The following TBL1X variants were observed in gnomAD, a reference collection of about 807,000 sequenced individuals.
The protein encoded by TBL1X is F-box-like/WD repeat-containing protein TBL1X.
Under a neutral mutation model 50.7 loss-of-function variants are expected in TBL1X, and 10 were observed. The observed-to-expected ratio is 0.20, with a 90% CI of 0.12 to 0.33. TBL1X has a LOEUF of 0.33. Among genes scored for constraint, TBL1X ranks in the 10% least tolerant of loss-of-function variants. The pLI, the probability that TBL1X is intolerant of heterozygous loss-of-function variation, is 1.00. For synonymous variants in TBL1X, 190 were observed against 214.7 expected (o/e 0.88, Z 1.01); for missense variants, 340 against 504.4 (o/e 0.67, Z 3.12).
intron 2 of TBL1X, among the ~76,000 whole-genome samples, chrX:9,576,949 G>A (rs773006262): frequency 3.2e-4 from 35 of 110,939 alleles, no homozygotes; most frequent in Non-Finnish European, 4.5e-4. Flanking sequence ...GCAGTAAGCC[G>A]TAATTGCACC....
chrX:9,521,223 C>G lies in TBL1X; in HGVS notation c.-131+19374C>G, dbSNP rs1328231270. Among the ~76,000 whole-genome samples, 3 of 111,460 alleles carry G rather than the reference C, an allele frequency of 2.7e-5. No homozygotes were observed. In the East Asian group the frequency reaches 8.5e-4, roughly 32 times the overall value. ...AAAGGAGCAGAACAGATGGGAAGGT[C>G]GTAAACGTGGAACCTTTGGAAGCAG... On this transcript the variant is annotated intron_variant, in intron 2 of 17. Transcript: ENST00000645353.
At chrX:9,472,201 G>T (rs1453290271) in intron 1 of TBL1X, among the ~76,000 whole-genome samples, 2 of 111,926 alleles carry the variant, frequency 1.8e-5, no homozygotes, top group African/African-American at 6.5e-5. Context: ...TGAATTTCCT[G>T]ATAGAAGGGA....
chrX:9,596,240 A>G (rs1486401970), intron 2 of TBL1X, among the ~76,000 whole-genome samples: 1 of 112,247 alleles, frequency 8.9e-6, no homozygotes, highest in South Asian at 3.7e-4. Flanking sequence ...AGAATGTTGA[A>G]CTAAAGATGG....
At chrX:9,522,391 G>A (rs761460561) in intron 2 of TBL1X, among the ~76,000 whole-genome samples, 1 of 111,428 alleles carries the variant, frequency 9.0e-6, no homozygotes, top group Non-Finnish European at 1.9e-5. Context: ...AGACTCTCTG[G>A]TCCTTGAGTG....
At chrX:9,666,729 AG>A (rs2082933046) in intron 5 of TBL1X, among the ~76,000 whole-genome samples, 1 of 111,611 alleles carries the variant, frequency 9.0e-6, no homozygotes, top group Non-Finnish European at 1.9e-5. Context: ...GGGAAGAGTC[AG>A]ACATTGTCTG....
chrX:9,582,782 T>C (rs1450707553), intron 2 of TBL1X, among the ~76,000 whole-genome samples: 3 of 112,452 alleles, frequency 2.7e-5, no homozygotes, highest in African/African-American at 9.7e-5. Context: ...GTCCCTGAGA[T>C]ATACTCTTAG....
chrX:9,553,431 C>G (rs1246230716), intron 2 of TBL1X, among the ~76,000 whole-genome samples: 1 of 112,011 alleles, frequency 8.9e-6, no homozygotes, highest in Non-Finnish European at 1.9e-5. Context: ...CATCGAGAAC[C>G]TAAGAGAGTG....
At chrX:9,586,308 C>A (rs948401077) in intron 2 of TBL1X, among the ~76,000 whole-genome samples, 1 of 112,300 alleles carries the variant, frequency 8.9e-6, no homozygotes, top group Non-Finnish European at 1.9e-5. Context: ...TAGTATTCGG[C>A]CTTGAAAAGG....
intron 2 of TBL1X, among the ~76,000 whole-genome samples, chrX:9,510,075 T>G (rs942167686): frequency 6.3e-5 from 7 of 111,447 alleles, no homozygotes; most frequent in African/African-American, 2.3e-4. Flanking sequence ...CACCCTAACA[T>G]TCTCCTGTTT....
chrX:9,546,106 A>G lies in TBL1X; in HGVS notation c.-131+44257A>G, dbSNP rs779187261. 6.3e-5 allele frequency among the ~76,000 whole-genome samples: 7 copies of G among 111,938 alleles called. No individual in the cohort carries two copies. The South Asian group carries it at 1.5e-3, about 24-fold the overall frequency. Reference sequence around the variant, plus strand: ...TGAAGCTCCCTTCTCTCTGTTACCAATGAGTAATCTGTGCTATGATACAGT... The same window carrying G: ...TGAAGCTCCCTTCTCTCTGTTACCAGTGAGTAATCTGTGCTATGATACAGT... On this transcript the variant is annotated intron_variant, in intron 2 of 17. Coordinates refer to ENST00000645353, the MANE Select transcript of TBL1X (RefSeq NM_005647.4).
At chrX:9,683,689 G>C (rs1164502124) in intron 5 of TBL1X, among the ~76,000 whole-genome samples, 1 of 111,534 alleles carries the variant, frequency 9.0e-6, no homozygotes, top group Non-Finnish European at 1.9e-5. Flanking sequence ...GAGTTTTGGT[G>C]GGGAGCCTGG....
intron 1 of TBL1X, among the ~76,000 whole-genome samples, chrX:9,484,664 T>C (rs2081901565): frequency 9.0e-6 from 1 of 110,568 alleles, no homozygotes; most frequent in Non-Finnish European, 1.9e-5. Flanking sequence ...TCACCAGTTG[T>C]TGAATGTTTG....
At chrX:9,541,398 A>G (rs1378608328) in intron 2 of TBL1X, among the ~76,000 whole-genome samples, 1 of 111,688 alleles carries the variant, frequency 9.0e-6, no homozygotes, top group Non-Finnish European at 1.9e-5. Flanking sequence ...AACTGCAAAA[A>G]TCGGTTCTGG....
intron 2 of TBL1X, among the ~76,000 whole-genome samples, chrX:9,612,430 C>T (rs2082618389): frequency 2.7e-5 from 3 of 111,417 alleles, no homozygotes; most frequent in African/African-American, 9.8e-5. Flanking sequence ...CTAGCAGCCA[C>T]AGGAAAAGAG....
intron 1 of TBL1X, among the ~76,000 whole-genome samples, chrX:9,499,155 G>T (rs777658273): frequency 8.9e-6 from 1 of 111,788 alleles, no homozygotes; most frequent in East Asian, 2.8e-4. Flanking sequence ...GTGTTCCTTG[G>T]TTCCCACTGC....
At chrX:9,580,601 T>C (rs1408182363) in intron 2 of TBL1X, among the ~76,000 whole-genome samples, 1 of 111,496 alleles carries the variant, frequency 9.0e-6, no homozygotes, top group East Asian at 2.8e-4. Context: ...CAAGATTTAT[T>C]TTCCTTTCAC....
At chrX:9,624,559 CTA>C (rs1337249847) in intron 2 of TBL1X, among the ~76,000 whole-genome samples, 2 of 111,811 alleles carry the variant, frequency 1.8e-5, no homozygotes, top group Non-Finnish European at 3.8e-5. Flanking sequence ...ACAAATCAGG[CTA>C]TGTTTAAACC....
intron 2 of TBL1X, among the ~76,000 whole-genome samples, chrX:9,503,576 C>A (rs962773162): frequency 2.6e-5 from 3 of 113,273 alleles, no homozygotes; most frequent in African/African-American, 9.6e-5. Context: ...ACAGGCTACG[C>A]TTTTCCCCTG....
intron 15 of TBL1X, among the ~76,000 whole-genome samples, 171 bp downstream of exon 15, chrX:9,709,931 A>G (rs1019806834): frequency 8.9e-6 from 1 of 112,916 alleles, no homozygotes; most frequent in Admixed American, 9.3e-5. Context: ...CTTTGAGGTA[A>G]GGATGGTTTT....
Sources: allele counts gnomAD v4.1 joint callset (sites outside exome capture counted in the v4.1 genomes callset), GRCh38; gene constraint gnomAD v4.1.1; transcripts MANE v1.5; gene names NCBI Gene and HGNC (gene_info 2026-07-23, HGNC 2026-07-21).